SLK: variants seen among roughly 807,000 people sequenced by gnomAD.
The protein encoded by SLK is STE20 like kinase.
Under a neutral mutation model 147.7 loss-of-function variants are expected in SLK, and 67 were observed. The observed-to-expected ratio is 0.45, with a 90% confidence interval of 0.37 to 0.56. The LOEUF is 0.56. Among genes scored for constraint, SLK ranks in the 20% least tolerant of loss-of-function variants. SLK has a pLI of 0.00. For missense variants in SLK, 1,136 were observed against 1,438.8 expected, an observed-to-expected ratio of 0.79 and a Z score of 3.41; for synonymous variants, 441 against 475.0, an observed-to-expected ratio of 0.93 and a Z score of 0.93.
intron 18 of SLK, among the ~76,000 whole-genome samples, chr10:104,023,592 G>T (rs1844562214): frequency 6.6e-6 from 1 of 152,054 alleles, no homozygotes; most frequent in South Asian, 2.1e-4. Flanking sequence ...ATCAGTTTGG[G>T]CAGTAAGCGC....
intron 2 of SLK, among the ~76,000 whole-genome samples, chr10:103,991,334 C>A (rs1267035710): frequency 6.6e-6 from 1 of 151,982 alleles, no homozygotes. Context: ...AAATTTTATT[C>A]ATTTTCAGAA....
intron 1 of SLK, among the ~76,000 whole-genome samples, chr10:103,978,953 G>A (rs1004293998): frequency 9.9e-5 from 15 of 152,084 alleles, no homozygotes; most frequent in African/African-American, 3.4e-4. Context: ...CTCTTTGTAT[G>A]TTGTCATTTT....
At chr10:104,025,156 C>T (rs761323206) in intron 18 of SLK, among the ~76,000 whole-genome samples, 13 of 152,024 alleles carry the variant, frequency 8.6e-5, no homozygotes, top group Non-Finnish European at 1.5e-4. Flanking sequence ...AAAATACAGG[C>T]GCATCGTAAC....
chr10:103,976,439 T>G (rs1843872014), intron 1 of SLK, among the ~76,000 whole-genome samples: 1 of 152,186 alleles, frequency 6.6e-6, no homozygotes, highest in South Asian at 2.1e-4. Flanking sequence ...AATATTATCT[T>G]TAATGTTTTT....
At position 104,002,596 on chromosome 10, in the gene SLK, A is replaced by T. The variant is rs777286970; in HGVS notation, c.1418A>T (p.Lys473Met). Residue 473 changes from lysine (K) to methionine (M), a missense_variant, in exon 9 of 19, where the codon AAG becomes ATG. Lys to Met is a moderately conservative substitution (Grantham distance 95, BLOSUM62 -1). Transcript: ENST00000369755. Reference protein sequence around the residue: ...IEHNLKSEEEKDQEKQQMFEN... With the variant: ...IEHNLKSEEEMDQEKQQMFEN... ...CATAATCTAAAATCTGAGGAAGAAA[A>T]GGATCAGGAAAAGCAACAGATGTTT... The T allele has an allele frequency of 6.2e-7, 1 of 1,604,654 alleles. No homozygotes were observed. The highest frequency in any genetic ancestry group is 2.2e-5 in the East Asian group (1 of 44,846).
intron 13 of SLK, 51 bp downstream of exon 13, chr10:104,010,959 C>T (rs1844392388): frequency 5.2e-6 from 6 of 1,161,736 alleles, no homozygotes; most frequent in Non-Finnish European, 7.2e-6. Context: ...CATTTTCTCA[C>T]AGCTTGATAA....
At position 104,002,967 on chromosome 10, in the gene SLK, AC is replaced by A. The variant is rs754839106; in HGVS notation, c.1790del (p.Thr597IlefsTer9). 1 of 1,613,598 alleles carries A rather than the reference AC, an allele frequency of 6.2e-7. No individual in the cohort carries two copies. Among genetic ancestry groups the A allele is most frequent in the Non-Finnish European group, 8.5e-7 (1 of 1,179,512 alleles). On this transcript the variant is annotated frameshift_variant, in exon 9 of 19. Transcript: ENST00000369755. LOFTEE classifies it high-confidence loss of function. ...KPMVGPEAGGTKEVPIKEIVE... is the reference protein window; with the variant it reads ...KPMVGPEAGGXKEVPIKEIVE... ...CATGGTGGGTCCTGAGGCTGGTGGT[AC>A]TAAGGAAGTTCCTATTAAAGAAATA...
In SLK at chr10:103,996,738, C is replaced by G. The variant is rs151076786; in HGVS notation, c.515-2161C>G. 1.3e-3 allele frequency among the ~76,000 whole-genome samples: 203 copies of G among 152,164 alleles called. 1 individual carries two copies. Among genetic ancestry groups the G allele is most frequent in the African/African-American group, 4.7e-3 (196 of 41,526 alleles). ...TCGTACAATATTCGAGTGCTTTCTT[C>G]CCCGCCCCCGACAGGAAAGTTTTCT... On this transcript the variant is annotated intron_variant, in intron 4 of 18. Coordinates refer to ENST00000369755, the MANE Select transcript of SLK (RefSeq NM_014720.4).
chr10:103,998,975 T>C lies in SLK; in HGVS notation c.587+4T>C, dbSNP rs546717780. 3 of 1,600,534 alleles carry C rather than the reference T, an allele frequency of 1.9e-6. No homozygotes were observed. Among genetic ancestry groups the C allele is most frequent in the Non-Finnish European group, 2.6e-6 (3 of 1,169,220 alleles). The stretch of plus-strand genomic sequence containing the variant: ...CCTTTATTGGTACACCATATTGGTA[T>C]GTATTCAGTTTTATGAATTTATAGT... On this transcript the variant is annotated splice_donor_region_variant and intron_variant, in intron 5 of 18. Transcript: ENST00000369755.
At chr10:104,021,783 AC>A in intron 18 of SLK, 50 bp downstream of exon 18, 1 of 966,916 alleles carries the variant, frequency 1.0e-6, no homozygotes, top group Non-Finnish European at 1.6e-6. Flanking sequence ...TCGTCCGTCT[AC>A]CCAGCTATTG....
In SLK at chr10:104,025,760, T is replaced by G; in HGVS notation, c.*40T>G. ...CTGTGCGTGGGTTTGGCTCTTTCAG[T>G]ATGTCATTCTGTTCTCATCTTCTGC... On this transcript the variant is annotated 3_prime_UTR_variant, in exon 19 of 19. Coordinates refer to ENST00000369755, the MANE Select transcript of SLK (RefSeq NM_014720.4). The G allele has an allele frequency of 6.3e-7, 1 of 1,580,984 alleles. No homozygotes were observed. Among genetic ancestry groups the G allele is most frequent in the Non-Finnish European group, 8.7e-7 (1 of 1,152,992 alleles).
At chr10:103,997,206 CTTACCATAACGT>C (rs1387675167) in intron 4 of SLK, among the ~76,000 whole-genome samples, 2 of 152,206 alleles carry the variant, frequency 1.3e-5, no homozygotes, top group Non-Finnish European at 2.9e-5. Flanking sequence ...GCGTATTTTA[CTTACCATAACGT>C]TCTCAAGGTT....
chr10:104,025,613 G>A lies in SLK; in HGVS notation c.3601G>A (p.Glu1201Lys). ...EEFARKLQEQ[E>K]VFFKMTGESE... ...GTTTGCCAGGAAACTACAGGAACAG[G>A]AAGTATTCTTTAAAATGACTGGGGA... Residue 1201 changes from glutamate (E) to lysine (K), a missense_variant, in exon 19 of 19, where the codon GAA becomes AAA. By Grantham distance (56) the Glu-to-Lys change is moderately conservative. Coordinates refer to ENST00000369755, the MANE Select transcript of SLK (RefSeq NM_014720.4). The A allele has an allele frequency of 1.9e-6, 3 of 1,613,968 alleles. No homozygotes were observed. The highest frequency in any genetic ancestry group is 1.7e-5 in the Admixed American group (1 of 60,020).
chr10:104,023,455 C>T (rs1224393247), intron 18 of SLK, among the ~76,000 whole-genome samples: 1 of 152,052 alleles, frequency 6.6e-6, no homozygotes, highest in Non-Finnish European at 1.5e-5. Context: ...GCCTAGTTTT[C>T]CTAATTTGTA....
chr10:103,967,212 GC>G lies in SLK; in HGVS notation c.-530del, dbSNP rs1843723572. On this transcript the variant is annotated 5_prime_UTR_variant, in exon 1 of 19. Transcript: ENST00000369755. ...GAGGGAGACAGGCGGCGGCGGCGGC[GC>G]CCCAGACCCGAGGGGACGCGCGGGC... 1 of 151,956 alleles carries G rather than the reference GC, an allele frequency of 6.6e-6. No homozygotes were observed. Among genetic ancestry groups the G allele is most frequent in the South Asian group, 2.0e-4 (1 of 4,958 alleles). The allele number at this position is 151,956 out of a possible 1,614,324, so 9.4% of individuals were successfully genotyped here.
chr10:103,996,873 T>G lies in SLK; in HGVS notation c.515-2026T>G, dbSNP rs574626206. On this transcript the variant is annotated intron_variant, in intron 4 of 18. Coordinates refer to ENST00000369755, the MANE Select transcript of SLK (RefSeq NM_014720.4). ...GCCTGTTGTCCATGTTTGTAACTTT[T>G]TCTCAAGTCCTTTTTTAGCTTGCTT... Among the ~76,000 whole-genome samples, 12 of 152,362 alleles carry G rather than the reference T, an allele frequency of 7.9e-5. No homozygotes were observed. The South Asian group carries it at 8.3e-4, about 11-fold the overall frequency.
At position 104,019,725 on chromosome 10, in the gene SLK, C is replaced by G; in HGVS notation, c.3133-9C>G. 6.2e-7 allele frequency: 1 copy of G among 1,608,434 alleles called. No homozygotes were observed. Among genetic ancestry groups the G allele is most frequent in the Non-Finnish European group, 8.5e-7 (1 of 1,175,366 alleles). On this transcript the variant is annotated splice_polypyrimidine_tract_variant and intron_variant, in intron 15 of 18. Transcript: ENST00000369755. Reference sequence around the variant, plus strand: ...CTGCGTCACTGGATTCTATTTAAAACTTTCATAGGAAACAGAGCAAATGCA... The same window carrying G: ...CTGCGTCACTGGATTCTATTTAAAAGTTTCATAGGAAACAGAGCAAATGCA...
At chr10:103,971,813 G>A (rs989086883) in intron 1 of SLK, among the ~76,000 whole-genome samples, 2 of 152,104 alleles carry the variant, frequency 1.3e-5, no homozygotes, top group Admixed American at 1.3e-4. Flanking sequence ...AGATAATAAA[G>A]TGAATTATTA....
chr10:103,981,713 T>C (rs1487867337), intron 1 of SLK, among the ~76,000 whole-genome samples: 1 of 152,002 alleles, frequency 6.6e-6, no homozygotes, highest in East Asian at 1.9e-4. Context: ...ATTTCAGGAC[T>C]GCACTGTTTT....
Sources: gnomAD v4.1 joint callset for allele counts (sites outside exome capture counted in the v4.1 genomes callset) on GRCh38, gnomAD v4.1.1 for gene constraint, MANE v1.5 for transcripts, NCBI Gene and HGNC (gene_info 2026-07-23, HGNC 2026-07-21) for gene names.